Variants in KIF13A observed in about 807,000 individuals in gnomAD.
The protein encoded by KIF13A is kinesin family member 13A, also known as kinesin-like protein KIF13A.
In KIF13A, 79 loss-of-function variants were observed where a neutral mutation model predicts 212.2. That is an observed-to-expected ratio of 0.37 (90% confidence interval 0.31 to 0.45). The LOEUF (loss-of-function observed/expected upper bound fraction) is 0.45, where lower values mean the gene tolerates loss of function less well. Among genes scored for constraint, KIF13A ranks in the 20% least tolerant of loss-of-function variants. KIF13A has a pLI of 1.00. For missense variants in KIF13A, 1,901 were observed against 2,209.0 expected (o/e 0.86, Z 2.79); for synonymous variants, 789 against 808.6 (o/e 0.98, Z 0.41).
chr6:17,853,895 CATTT>C (rs148334854), intron 6 of KIF13A, among the ~76,000 whole-genome samples: 6 of 151,392 alleles, frequency 4.0e-5, no homozygotes, highest in East Asian at 2.0e-4. Flanking sequence ...GGTCATGTTC[CATTT>C]ATTTATTTAT....
Position 17,817,162 on chromosome 6 carries a change from G to A in KIF13A, c.1858C>T (p.Gln620Ter). ...LEEKRSALEE[Q>*]RLMYERELEQ... ...AGTTCCCGCTCATACATGAGCCGCTGCTCCTCTAGGGCACTTCTCTTTTCT... is the reference window on the plus strand; with the variant it reads ...AGTTCCCGCTCATACATGAGCCGCTACTCCTCTAGGGCACTTCTCTTTTCT... Residue 620 changes from glutamine (Q) to a stop codon, truncating the protein, a stop_gained, in exon 17 of 39, where the codon CAG becomes TAG. Coordinates refer to ENST00000259711, the MANE Select transcript of KIF13A (RefSeq NM_022113.6). LOFTEE classifies it high-confidence loss of function. The A allele has an allele frequency of 6.2e-7, 1 of 1,614,046 alleles. No homozygotes were observed. The highest frequency in any genetic ancestry group is 8.5e-7 in the Non-Finnish European group (1 of 1,179,910).
chr6:17,864,198 C>T lies in KIF13A; in HGVS notation c.221-8076G>A, dbSNP rs559143552. Among the ~76,000 whole-genome samples, 6 of 152,272 alleles carry T rather than the reference C, an allele frequency of 3.9e-5. No individual in the cohort carries two copies. The East Asian group carries it at 5.8e-4, about 15-fold the overall frequency. ...GAGGCCTGTGACTTTTCAGCAGAAC[C>T]GATGCCAAAAAGGCGGTGGCCACTC... On this transcript the variant is annotated intron_variant, in intron 4 of 38. Transcript: ENST00000259711.
intron 2 of KIF13A, among the ~76,000 whole-genome samples, chr6:17,907,907 C>T (rs1425024699): frequency 6.6e-6 from 1 of 152,062 alleles, no homozygotes; most frequent in African/African-American, 2.4e-5. Flanking sequence ...ATGACATGGC[C>T]AGATCTGTTT....
intron 9 of KIF13A, among the ~76,000 whole-genome samples, chr6:17,847,596 C>T (rs148418481): frequency 0.012 from 1,771 of 152,210 alleles, 19 homozygotes; most frequent in Admixed American, 0.019. Flanking sequence ...CTGTCCTAAA[C>T]GAAACCCTAA....
chr6:17,976,141 C>G (rs1440485671), intron 2 of KIF13A, among the ~76,000 whole-genome samples: 2 of 152,260 alleles, frequency 1.3e-5, no homozygotes, highest in Non-Finnish European at 2.9e-5. Context: ...CCCAGTGGAT[C>G]CCGCACCGGG....
In KIF13A at chr6:17,982,022, T is replaced by C. The variant is rs1449737763; in HGVS notation, c.146+5032A>G. On this transcript the variant is annotated intron_variant, in intron 2 of 38. Coordinates refer to ENST00000259711, the MANE Select transcript of KIF13A (RefSeq NM_022113.6). This position sits in a 1 kb window ranked among gnomAD's most constrained non-coding sequence, Gnocchi z 5.1. ...CTGAATAGCCCTTATCTAAAATGCT[T>C]GGGACCAGAAGTGTTTTGGATTTTG... Among the ~76,000 whole-genome samples, 1 of 152,124 alleles carries C rather than the reference T, an allele frequency of 6.6e-6. No individual in the cohort carries two copies. Among genetic ancestry groups the C allele is most frequent in the Non-Finnish European group, 1.5e-5 (1 of 68,022 alleles).
At chr6:17,923,448 A>G (rs1232552355) in intron 2 of KIF13A, among the ~76,000 whole-genome samples, 1 of 152,010 alleles carries the variant, frequency 6.6e-6, no homozygotes, top group Non-Finnish European at 1.5e-5. Flanking sequence ...GGAATTCAGT[A>G]AGTCTTCACA....
intron 2 of KIF13A, among the ~76,000 whole-genome samples, chr6:17,932,956 C>G (rs1776137400): frequency 6.6e-6 from 1 of 152,036 alleles, no homozygotes; most frequent in African/African-American, 2.4e-5. Flanking sequence ...AGGAAAAAGT[C>G]AAGCTTTTCA....
intron 4 of KIF13A, among the ~76,000 whole-genome samples, chr6:17,861,746 T>C (rs1768810711): frequency 6.6e-6 from 1 of 152,240 alleles, no homozygotes; most frequent in Non-Finnish European, 1.5e-5. Flanking sequence ...GCTTTTCTTC[T>C]CATTAATTTT....
chr6:17,903,399 T>C (rs1372780507), intron 2 of KIF13A, among the ~76,000 whole-genome samples: 1 of 152,208 alleles, frequency 6.6e-6, no homozygotes, highest in Admixed American at 6.5e-5. Context: ...TTTTAAAGGA[T>C]GCAATGGGAT....
At chr6:17,782,855 C>A (rs566102792) in intron 29 of KIF13A, among the ~76,000 whole-genome samples, 1 of 152,172 alleles carries the variant, frequency 6.6e-6, no homozygotes, top group African/African-American at 2.4e-5. Flanking sequence ...GGGGTTCGCC[C>A]CTCACAAATC....
chr6:17,787,650 T>TAAAACAACA lies in KIF13A; in HGVS notation c.3361+117_3361+125dup, dbSNP rs760371597. The TAAAACAACA allele has an allele frequency of 1.1e-4, 65 of 580,404 alleles. No individual in the cohort carries two copies. Among genetic ancestry groups the TAAAACAACA allele is most frequent in the Non-Finnish European group, 1.8e-4 (58 of 324,372 alleles). 36.0% of individuals were successfully genotyped at this position (580,404 alleles called of 1,614,324 possible). A position where few individuals can be genotyped will look rare whatever the true frequency, so the allele number is the denominator to read the frequency against. On this transcript the variant is annotated intron_variant, in intron 27 of 38. Transcript: ENST00000259711. This position sits in a 1 kb window ranked among gnomAD's most constrained non-coding sequence, Gnocchi z 4.6. ...TGGGTGACAGAGTGAGACCCTGTCT[T>TAAAACAACA]AAAACAACAACAACAACAACAACAA...
chr6:17,900,246 A>G lies in KIF13A; in HGVS notation c.147-2066T>C, dbSNP rs764591104. Among the ~76,000 whole-genome samples, 6 of 152,232 alleles carry G rather than the reference A, an allele frequency of 3.9e-5. No individual in the cohort carries two copies. The highest frequency in any genetic ancestry group is 7.3e-5 in the Non-Finnish European group (5 of 68,040). Reference sequence around the variant, plus strand: ...TATGTGCCCTTTATGCCACAGCCACAGCACAATAATAACCACCACCAGCAG... The same window carrying G: ...TATGTGCCCTTTATGCCACAGCCACGGCACAATAATAACCACCACCAGCAG... On this transcript the variant is annotated intron_variant, in intron 2 of 38. Transcript: ENST00000259711. This position sits in a 1 kb window ranked among gnomAD's most constrained non-coding sequence, Gnocchi z 4.6.
rs373142288 is a variant in KIF13A at position 17,804,846 on chromosome 6, G to T, written c.2305-336C>A. ...AAAAAAAAAAAAAAAAAAAAAAAAA[G>T]AATTAGCCCATGGGAGGGGCCTGTT... is the stretch of plus-strand genomic sequence containing the variant. On this transcript the variant is annotated intron_variant, in intron 19 of 38. Coordinates refer to ENST00000259711, the MANE Select transcript of KIF13A (RefSeq NM_022113.6). 1.4e-4 allele frequency among the ~76,000 whole-genome samples: 8 copies of T among 55,918 alleles called. No individual in the cohort carries two copies. In the East Asian group the frequency reaches 1.9e-3, roughly 13 times the overall value. 36.7% of individuals were successfully genotyped at this position (55,918 alleles called of 152,430 possible).
chr6:17,779,257 ATTTTTTTTTTT>A (rs3076205), intron 32 of KIF13A, among the ~76,000 whole-genome samples, 158 bp from the exon 33 acceptor site: 17 of 37,840 alleles, frequency 4.5e-4, no homozygotes, highest in East Asian at 1.8e-3. Flanking sequence ...ATATATATAT[ATTTTTTTTTTT>A]TTTTTTTTTT....
chr6:17,959,971 G>A (rs928248013), intron 2 of KIF13A, among the ~76,000 whole-genome samples: 4 of 151,300 alleles, frequency 2.6e-5, no homozygotes, highest in South Asian at 2.1e-4. Context: ...GTGGTGAGCC[G>A]AGATCGCGCC....
rs1024140355 is a variant in KIF13A, at chr6:17,804,474, A to G, written c.2341T>C (p.Tyr781His). 2 of 1,597,298 alleles carry G rather than the reference A, an allele frequency of 1.3e-6. No individual in the cohort carries two copies. The highest frequency in any genetic ancestry group is 1.7e-4 in the Middle Eastern group (1 of 6,040). The change falls in exon 20 of 39, where the codon TAT becomes CAT. Residue 781 changes from tyrosine to histidine, a missense_variant. Physicochemically the swap from Tyr to His is moderately conservative, Grantham distance 83 (BLOSUM62 2). Transcript: ENST00000259711. ...RLYGKRGDPF[Y>H]EAQENHNLIG... is the part of the protein sequence containing the mutation. ...AGGTTGTGATTTTCTTGGGCTTCAT[A>G]GAAAGGGTCACCTCGTTTTCCGTAG...
At chr6:17,925,905 C>T (rs1383992995) in intron 2 of KIF13A, among the ~76,000 whole-genome samples, 1 of 152,130 alleles carries the variant, frequency 6.6e-6, no homozygotes, top group African/African-American at 2.4e-5. Flanking sequence ...AGCAGCAAAT[C>T]AGAAGGAAAA....
At chr6:17,823,855 G>A (rs1170514815) in intron 16 of KIF13A, among the ~76,000 whole-genome samples, 3 of 149,630 alleles carry the variant, frequency 2.0e-5, no homozygotes, top group African/African-American at 4.9e-5. Context: ...TTCCCGTCTC[G>A]GCCTCCCAAA....
Sources: gnomAD v4.1 joint callset for allele counts (sites outside exome capture counted in the v4.1 genomes callset) on GRCh38, gnomAD v4.1.1 for gene constraint, Gnocchi (gnomAD v3.1) non-coding constraint, MANE v1.5 for transcripts, NCBI Gene and HGNC (gene_info 2026-07-23, HGNC 2026-07-21) for gene names.